Variants in MARCHF1 observed in about 807,000 individuals in gnomAD.
MARCHF1 encodes the protein membrane associated ring-CH-type finger 1.
MARCHF1 carries 40 observed loss-of-function variants against 54.2 expected under a neutral mutation model. The ratio of observed to expected loss-of-function variants is 0.74; its 90% confidence interval spans 0.57 to 0.96. The LOEUF is 0.96. Ranked by LOEUF, MARCHF1 falls within the 40% of genes least tolerant of loss-of-function variation. MARCHF1 has a pLI of 0.00. For synonymous variants in MARCHF1, 236 were observed against 236.3 expected, an observed-to-expected ratio of 1.00 and a Z score of 0.01; for missense variants, 586 against 656.5, an observed-to-expected ratio of 0.89 and a Z score of 1.17.
At chr4:164,164,161 C>A (rs1161892680) in intron 1 of MARCHF1, among the ~76,000 whole-genome samples, 1 of 151,790 alleles carries the variant, frequency 6.6e-6, no homozygotes, top group Non-Finnish European at 1.5e-5. Context: ...ACTTCAACTT[C>A]TTCCTTAAGA....
In MARCHF1 at chr4:164,002,179, T is replaced by C. The variant is rs1380909658; in HGVS notation, c.-247-13470A>G. Among the ~76,000 whole-genome samples the C allele has an allele frequency of 1.1e-4, 17 of 151,536 alleles. 1 individual carries two copies. The Admixed American group carries it at 1.1e-3, about 10-fold the overall frequency. On this transcript the variant is annotated intron_variant, in intron 2 of 9. Coordinates refer to ENST00000514618, the MANE Select transcript of MARCHF1 (RefSeq NM_001394959.1). ...TCTCAACAACAGAATATTCACAATA[T>C]CTGGCATTGAATAAGACATGACTAG...
At chr4:163,637,336 C>T (rs1420259095) in intron 5 of MARCHF1, among the ~76,000 whole-genome samples, 4 of 151,924 alleles carry the variant, frequency 2.6e-5, no homozygotes, top group African/African-American at 9.7e-5. Flanking sequence ...AAAATTTTTG[C>T]AACCTACTCA....
Position 163,595,514 on chromosome 4 carries a change from C to A in MARCHF1, c.1011-9585G>T, listed in dbSNP as rs2110864768. 1.3e-5 allele frequency among the ~76,000 whole-genome samples: 2 copies of A among 152,134 alleles called. 1 individual carries two copies. Among genetic ancestry groups the A allele is most frequent in the South Asian group, 4.2e-4 (2 of 4,804 alleles). On this transcript the variant is annotated intron_variant, in intron 7 of 9. Transcript: ENST00000514618. ...CCTGGGCAACACAGTAAGACCCTGT[C>A]TCCAAAAAATGTGGTATATATACAC... is the stretch of plus-strand genomic sequence containing the variant.
chr4:163,601,083 T>C (rs574721364), intron 7 of MARCHF1, among the ~76,000 whole-genome samples: 1 of 152,276 alleles, frequency 6.6e-6, no homozygotes, highest in African/African-American at 2.4e-5. Context: ...CGAACCAAAT[T>C]AGATACTAGT....
At chr4:163,647,535 T>A (rs750780132) in intron 5 of MARCHF1, among the ~76,000 whole-genome samples, 3 of 151,872 alleles carry the variant, frequency 2.0e-5, no homozygotes, top group Non-Finnish European at 4.4e-5. Context: ...TCTTAACAAA[T>A]TTAAAAAGAC....
At chr4:164,099,792 A>G (rs1484691294) in intron 2 of MARCHF1, among the ~76,000 whole-genome samples, 1 of 152,176 alleles carries the variant, frequency 6.6e-6, no homozygotes, top group Non-Finnish European at 1.5e-5. Flanking sequence ...TATCAAAAAT[A>G]TATGTATAAA....
chr4:163,632,726 G>A (rs1017009349), intron 5 of MARCHF1, among the ~76,000 whole-genome samples: 6 of 152,216 alleles, frequency 3.9e-5, no homozygotes, highest in African/African-American at 1.4e-4. Flanking sequence ...CTGGAAGCTC[G>A]AACTGGGTGG....
chr4:164,242,157 G>A (rs1240804031), intron 1 of MARCHF1, among the ~76,000 whole-genome samples: 1 of 151,154 alleles, frequency 6.6e-6, no homozygotes, highest in African/African-American at 2.4e-5. Flanking sequence ...GCCTCTGTAG[G>A]CTCCACCTCT....
At chr4:163,579,511 G>T (rs778329425) in intron 8 of MARCHF1, among the ~76,000 whole-genome samples, 2 of 152,190 alleles carry the variant, frequency 1.3e-5, no homozygotes, top group Non-Finnish European at 2.9e-5. Flanking sequence ...AGAAAGTAAA[G>T]GGAAGGGCAT....
chr4:164,072,342 T>C (rs1437528997), intron 2 of MARCHF1, among the ~76,000 whole-genome samples: 1 of 152,142 alleles, frequency 6.6e-6, no homozygotes, highest in Admixed American at 6.5e-5. Context: ...TGCTAGTACT[T>C]ATGGAGGCAG....
In MARCHF1 at chr4:164,341,776, G is replaced by A. The variant is rs193278359; in HGVS notation, c.-323+42094C>T. ...CTAATACATACCATCATGCTGAGGT[G>A]AGGATTTCAATATATGTTATGAGGG... is the stretch of plus-strand genomic sequence containing the variant. On this transcript the variant is annotated intron_variant, in intron 1 of 9. Coordinates refer to ENST00000514618, the MANE Select transcript of MARCHF1 (RefSeq NM_001394959.1). 1.8e-3 allele frequency among the ~76,000 whole-genome samples: 269 copies of A among 152,274 alleles called. 2 individuals carry two copies. Among genetic ancestry groups the A allele is most frequent in the Non-Finnish European group, 3.1e-3 (212 of 68,028 alleles).
At chr4:164,169,516 A>G (rs1730469327) in intron 1 of MARCHF1, among the ~76,000 whole-genome samples, 1 of 152,152 alleles carries the variant, frequency 6.6e-6, no homozygotes, top group Non-Finnish European at 1.5e-5. Context: ...TTCAAAAGAC[A>G]GACCATAGAT....
At chr4:163,652,733 T>C (rs1451191624) in intron 5 of MARCHF1, among the ~76,000 whole-genome samples, 1 of 151,876 alleles carries the variant, frequency 6.6e-6, no homozygotes, top group Non-Finnish European at 1.5e-5. Flanking sequence ...GACGTTTTAC[T>C]CTTTAATTAA....
chr4:163,803,814 T>C (rs558401047), intron 4 of MARCHF1, among the ~76,000 whole-genome samples: 30 of 152,294 alleles, frequency 2.0e-4, no homozygotes, highest in Middle Eastern at 6.8e-3. Context: ...AATATTTCTA[T>C]ATCGGTATAT....
intron 4 of MARCHF1, among the ~76,000 whole-genome samples, chr4:163,834,839 C>T (rs1373706265): frequency 6.6e-6 from 1 of 152,020 alleles, no homozygotes; most frequent in Non-Finnish European, 1.5e-5. Flanking sequence ...TCCTGGTTGA[C>T]CTATGTTATT....
chr4:163,749,867 G>A (rs1746467645), intron 4 of MARCHF1, among the ~76,000 whole-genome samples: 1 of 151,568 alleles, frequency 6.6e-6, no homozygotes, highest in South Asian at 2.1e-4. Context: ...TTTGAGACCA[G>A]CCAGACTGAC....
At chr4:163,881,695 T>C (rs1388830488) in intron 3 of MARCHF1, among the ~76,000 whole-genome samples, 1 of 131,876 alleles carries the variant, frequency 7.6e-6, no homozygotes, top group African/African-American at 2.6e-5. Flanking sequence ...AAGAAATATA[T>C]GGAATGTAGG....
At chr4:164,208,644 G>A (rs544103947) in intron 1 of MARCHF1, among the ~76,000 whole-genome samples, 158 of 152,342 alleles carry the variant, frequency 1.0e-3, no homozygotes, top group Non-Finnish European at 1.6e-3. Flanking sequence ...GGCAGACAAG[G>A]ACAGTGCTAT....
intron 4 of MARCHF1, among the ~76,000 whole-genome samples, chr4:163,724,699 C>T (rs1004061638): frequency 6.6e-6 from 1 of 152,216 alleles, no homozygotes; most frequent in Admixed American, 6.5e-5. Flanking sequence ...ACTCAAGCCT[C>T]AGCCATGGTG....
Sources: allele counts gnomAD v4.1 joint callset (sites outside exome capture counted in the v4.1 genomes callset), GRCh38; gene constraint gnomAD v4.1.1; transcripts MANE v1.5; gene names NCBI Gene and HGNC (gene_info 2026-07-23, HGNC 2026-07-21).